ERBB4: variants seen among roughly 807,000 people sequenced by gnomAD.
The protein encoded by ERBB4 is erb-b2 receptor tyrosine kinase 4.
Under a neutral mutation model 158.0 loss-of-function variants are expected in ERBB4, and 42 were observed. That is an observed-to-expected ratio of 0.27 (90% CI 0.21 to 0.34). The LOEUF is 0.34. ERBB4 is among the 10% of genes least tolerant of loss of function. The pLI is 1.00. For missense variants in ERBB4, 1,333 were observed against 1,624.1 expected, an observed-to-expected ratio of 0.82 and a Z score of 3.08; for synonymous variants, 583 against 558.7, an observed-to-expected ratio of 1.04 and a Z score of -0.61.
intron 1 of ERBB4, among the ~76,000 whole-genome samples, chr2:212,422,006 A>C (rs1256110326): frequency 6.6e-6 from 1 of 152,240 alleles, no homozygotes; most frequent in African/African-American, 2.4e-5. Flanking sequence ...CAGGGAAGGC[A>C]AATATGATGA....
chr2:211,994,900 G>T (rs199583798), intron 2 of ERBB4, among the ~76,000 whole-genome samples: 1 of 139,536 alleles, frequency 7.2e-6, no homozygotes, highest in East Asian at 1.9e-4. Flanking sequence ...TTGTGCACAA[G>T]AACCTGAACA....
At chr2:211,556,312 T>C (rs1007951765) in intron 20 of ERBB4, among the ~76,000 whole-genome samples, 1 of 152,116 alleles carries the variant, frequency 6.6e-6, no homozygotes, top group Non-Finnish European at 1.5e-5. Flanking sequence ...CATTCAAAGA[T>C]ATTTAGACTC....
intron 12 of ERBB4, among the ~76,000 whole-genome samples, chr2:211,688,762 A>G (rs1240054726): frequency 6.6e-6 from 1 of 152,200 alleles, no homozygotes; most frequent in African/African-American, 2.4e-5. Flanking sequence ...TTAAAACTAT[A>G]TATTCTTCTA....
intron 2 of ERBB4, among the ~76,000 whole-genome samples, chr2:212,097,960 A>C (rs57924179): frequency 0.022 from 3,304 of 152,262 alleles, 133 homozygotes; most frequent in African/African-American, 0.076. Context: ...AAAGTAGCCA[A>C]AGATATATAT....
intron 9 of ERBB4, among the ~76,000 whole-genome samples, chr2:211,709,847 C>T (rs2073624380): frequency 1.3e-5 from 2 of 151,982 alleles, no homozygotes; most frequent in Admixed American, 6.6e-5. Flanking sequence ...AAGTCATTTC[C>T]CTCTTTCTTT....
chr2:211,563,014 G>A (rs1046298764), intron 19 of ERBB4, among the ~76,000 whole-genome samples: 10 of 151,974 alleles, frequency 6.6e-5, no homozygotes, highest in African/African-American at 2.2e-4. Flanking sequence ...CTTGTGATCC[G>A]CCCGCCTCGG....
At chr2:211,632,032 T>C (rs760808052) in intron 16 of ERBB4, among the ~76,000 whole-genome samples, 44 of 152,196 alleles carry the variant, frequency 2.9e-4, no homozygotes, top group Non-Finnish European at 5.6e-4. Context: ...AATGAAATCA[T>C]GTCTTTTAGA....
chr2:211,941,791 G>A lies in ERBB4; in HGVS notation c.421+5639C>T, dbSNP rs114512058. 6.5e-3 allele frequency among the ~76,000 whole-genome samples: 949 copies of A among 145,616 alleles called. 5 individuals are homozygous for A. Among genetic ancestry groups the A allele is most frequent in the Non-Finnish European group, 0.01 (691 of 67,202 alleles). Reference sequence around the variant, plus strand: ...AAACAACAGGAATCTATCCGAATACGCAGAAACAAATACAATAGTTTTCTC... The same window carrying A: ...AAACAACAGGAATCTATCCGAATACACAGAAACAAATACAATAGTTTTCTC... On this transcript the variant is annotated intron_variant, in intron 3 of 27. Transcript: ENST00000342788.
chr2:211,658,426 A>G (rs1227057581), intron 15 of ERBB4, among the ~76,000 whole-genome samples: 1 of 152,218 alleles, frequency 6.6e-6, no homozygotes, highest in Non-Finnish European at 1.5e-5. Flanking sequence ...ATATCATATA[A>G]TAACCTGATG....
intron 19 of ERBB4, among the ~76,000 whole-genome samples, chr2:211,578,441 T>C (rs1162782361): frequency 6.6e-6 from 1 of 152,170 alleles, no homozygotes; most frequent in Non-Finnish European, 1.5e-5. Context: ...TCCACAGAAT[T>C]AGAAGAAACT....
chr2:211,951,170 G>A (rs2080864534), intron 2 of ERBB4, among the ~76,000 whole-genome samples: 1 of 152,082 alleles, frequency 6.6e-6, no homozygotes, highest in South Asian at 2.1e-4. Flanking sequence ...TCCCACTCAG[G>A]AAGTGACTCT....
chr2:211,748,474 C>A (rs1417198945), intron 5 of ERBB4, among the ~76,000 whole-genome samples: 1 of 152,086 alleles, frequency 6.6e-6, no homozygotes, highest in Non-Finnish European at 1.5e-5. Context: ...ACTGGAGGAA[C>A]AACACAACAG....
At chr2:211,888,871 T>C (rs910961296) in intron 3 of ERBB4, among the ~76,000 whole-genome samples, 20 of 151,738 alleles carry the variant, frequency 1.3e-4, no homozygotes, top group South Asian at 2.1e-4. Flanking sequence ...CATGAGATTA[T>C]ATCCCACACC....
intron 2 of ERBB4, among the ~76,000 whole-genome samples, chr2:212,005,313 A>C (rs79527597): frequency 6.6e-6 from 1 of 152,334 alleles, no homozygotes; most frequent in East Asian, 1.9e-4. Context: ...TACCACCTTC[A>C]ATAGCACAGC....
At chr2:211,559,612 A>G (rs1295493142) in intron 20 of ERBB4, among the ~76,000 whole-genome samples, 2 of 152,340 alleles carry the variant, frequency 1.3e-5, no homozygotes, top group East Asian at 3.9e-4. Flanking sequence ...CTCAGGACTC[A>G]GTGTCTTCTC....
intron 20 of ERBB4, among the ~76,000 whole-genome samples, chr2:211,521,534 A>G (rs150446573): frequency 0.013 from 1,930 of 152,330 alleles, 39 homozygotes; most frequent in African/African-American, 0.044. Flanking sequence ...AAGAAGCTGT[A>G]GCAAGTTATC....
intron 1 of ERBB4, among the ~76,000 whole-genome samples, chr2:212,190,111 T>C (rs373087969): frequency 6.6e-6 from 1 of 151,580 alleles, no homozygotes. Context: ...TATTACATTC[T>C]AAAAAGTTTT....
chr2:211,392,106 A>C (rs1460431386), intron 25 of ERBB4, among the ~76,000 whole-genome samples: 1 of 152,208 alleles, frequency 6.6e-6, no homozygotes, highest in Non-Finnish European at 1.5e-5. Context: ...GTAACTATTA[A>C]AGGTTCTCAA....
intron 4 of ERBB4, among the ~76,000 whole-genome samples, chr2:211,763,462 A>G (rs564126788): frequency 1.3e-5 from 2 of 152,332 alleles, no homozygotes; most frequent in African/African-American, 2.4e-5. Flanking sequence ...TCAAAACACA[A>G]TGGGCTTCTC....
Sources: allele counts gnomAD v4.1 joint callset (sites outside exome capture counted in the v4.1 genomes callset), GRCh38; gene constraint gnomAD v4.1.1; transcripts MANE v1.5; gene names NCBI Gene and HGNC (gene_info 2026-07-23, HGNC 2026-07-21).